MAST4: variants seen among roughly 807,000 people sequenced by gnomAD.
MAST4 encodes the protein microtubule associated serine/threonine kinase family member 4.
MAST4 carries 89 observed loss-of-function variants against 162.7 expected under a neutral mutation model. The ratio of observed to expected loss-of-function variants is 0.55; its 90% CI spans 0.46 to 0.65. The LOEUF (loss-of-function observed/expected upper bound fraction) is 0.65. Among genes scored for constraint, MAST4 ranks in the 30% least tolerant of loss-of-function variants. The pLI, the probability that MAST4 is intolerant of heterozygous loss-of-function variation, is 0.00. For missense variants in MAST4, 3,153 were observed against 3,374.0 expected (o/e 0.93, Z 1.62); for synonymous variants, 1,479 against 1,361.1 (o/e 1.09, Z -1.91).
chr5:66,852,223 C>G (rs114061867), intron 3 of MAST4, among the ~76,000 whole-genome samples: 2 of 152,184 alleles, frequency 1.3e-5, no homozygotes, highest in Non-Finnish European at 2.9e-5. Flanking sequence ...TCATGACTTA[C>G]TGCAGCCTCA....
rs538627284 is a variant in MAST4, at chr5:66,806,957, A to G, written c.642+18163A>G. 5.3e-5 allele frequency among the ~76,000 whole-genome samples: 8 copies of G among 152,258 alleles called. 1 individual carries two copies. The South Asian group carries it at 6.2e-4, about 12-fold the overall frequency. ...TGGCAGTGGAACTCTGAGGGCTTCA[A>G]TGTGGTAGCAGGTACTAACCCTTTG... On this transcript the variant is annotated intron_variant, in intron 3 of 28. Coordinates refer to ENST00000403625, the MANE Select transcript of MAST4 (RefSeq NM_001164664.2).
At chr5:67,105,495 A>G (rs1157347640) in intron 10 of MAST4, among the ~76,000 whole-genome samples, 1 of 152,116 alleles carries the variant, frequency 6.6e-6, no homozygotes, top group Non-Finnish European at 1.5e-5. Flanking sequence ...TAGGCCTTCT[A>G]TACTCTTTCC....
chr5:66,699,011 A>G (rs1242600207), intron 1 of MAST4, among the ~76,000 whole-genome samples: 3 of 152,192 alleles, frequency 2.0e-5, no homozygotes, highest in Non-Finnish European at 4.4e-5. Flanking sequence ...AAACCAGTTT[A>G]TATCATTTCT....
chr5:66,993,929 C>CG (rs11431627), intron 4 of MAST4, among the ~76,000 whole-genome samples: 2 of 99,408 alleles, frequency 2.0e-5, no homozygotes, highest in Non-Finnish European at 4.0e-5. Flanking sequence ...GACCCCCCCC[C>CG]CCACCCCACC....
intron 3 of MAST4, among the ~76,000 whole-genome samples, chr5:66,856,994 A>G (rs1469345364): frequency 6.6e-6 from 1 of 152,238 alleles, no homozygotes; most frequent in Non-Finnish European, 1.5e-5. Context: ...TATAAAAGCA[A>G]TTGGATATTA....
At chr5:66,959,247 C>T (rs759323227) in intron 4 of MAST4, 1 of 779,692 alleles carries the variant, frequency 1.3e-6, no homozygotes, top group Non-Finnish European at 2.4e-6. Flanking sequence ...ATATAACAAC[C>T]ATGAAAGCCC....
chr5:66,810,813 T>C (rs1226645160), intron 3 of MAST4, among the ~76,000 whole-genome samples: 1 of 152,148 alleles, frequency 6.6e-6, no homozygotes, highest in Non-Finnish European at 1.5e-5. Flanking sequence ...TGGCCATATG[T>C]AGAGATTTTG....
In MAST4 at chr5:66,688,296, A is replaced by G. The variant is rs368747272; in HGVS notation, c.364-71413A>G. Among the ~76,000 whole-genome samples the G allele has an allele frequency of 3.7e-4, 57 of 152,290 alleles. 1 individual carries two copies. Among genetic ancestry groups the G allele is most frequent in the African/African-American group, 1.2e-3 (51 of 41,556 alleles). On this transcript the variant is annotated intron_variant, in intron 1 of 28. Coordinates refer to ENST00000403625, the MANE Select transcript of MAST4 (RefSeq NM_001164664.2). ...ATGCCTGCAGTGATTTGACACACCC[A>G]CTCAAATGGATATGAAGTAACCTTA...
At chr5:66,880,498 C>G (rs1441962731) in intron 3 of MAST4, among the ~76,000 whole-genome samples, 1 of 152,122 alleles carries the variant, frequency 6.6e-6, no homozygotes, top group African/African-American at 2.4e-5. Flanking sequence ...GAGTTTCTTC[C>G]TTTCATTCTG....
chr5:66,980,664 T>C, intron 4 of MAST4, among the ~76,000 whole-genome samples: 1 of 152,222 alleles, frequency 6.6e-6, no homozygotes, highest in Non-Finnish European at 1.5e-5. Context: ...GTAAGTTCTG[T>C]GTTTGTTGCA....
At chr5:66,727,886 C>T (rs554717792) in intron 1 of MAST4, among the ~76,000 whole-genome samples, 2 of 152,190 alleles carry the variant, frequency 1.3e-5, no homozygotes, top group African/African-American at 4.8e-5. Flanking sequence ...CTCCTTGTGA[C>T]TCACTTGGAT....
chr5:67,155,237 A>T (rs1318194764), intron 26 of MAST4, among the ~76,000 whole-genome samples: 1 of 152,164 alleles, frequency 6.6e-6, no homozygotes. Context: ...TGCATAGGCA[A>T]ACTTGTCCAA....
At chr5:67,096,036 T>C (rs1009736980) in intron 7 of MAST4, among the ~76,000 whole-genome samples, 3 of 152,120 alleles carry the variant, frequency 2.0e-5, no homozygotes, top group African/African-American at 4.8e-5. Flanking sequence ...TGAACTTCGA[T>C]AGACTGGGTC....
chr5:67,008,534 G>A (rs1163366922), intron 4 of MAST4, among the ~76,000 whole-genome samples: 2 of 152,196 alleles, frequency 1.3e-5, no homozygotes, highest in African/African-American at 2.4e-5. Context: ...TTGCTGAAGT[G>A]CAGTCTTGAG....
chr5:66,915,698 G>A (rs1042149483), intron 4 of MAST4, among the ~76,000 whole-genome samples: 1 of 152,098 alleles, frequency 6.6e-6, no homozygotes, highest in Non-Finnish European at 1.5e-5. Flanking sequence ...CGCTGGTCCC[G>A]AGGGTCAGTG....
At chr5:66,849,592 G>A (rs1561380331) in intron 3 of MAST4, among the ~76,000 whole-genome samples, 1 of 152,124 alleles carries the variant, frequency 6.6e-6, no homozygotes, top group South Asian at 2.1e-4. Flanking sequence ...AGGGCAAGGC[G>A]TTCCTTCTGC....
intron 13 of MAST4, among the ~76,000 whole-genome samples, chr5:67,119,224 A>G (rs1192685557): frequency 1.3e-5 from 2 of 151,954 alleles, no homozygotes; most frequent in African/African-American, 4.8e-5. Context: ...GGACAGGGAG[A>G]TAACCCAGTC....
At chr5:66,756,245 A>G (rs573443509) in intron 1 of MAST4, among the ~76,000 whole-genome samples, 3 of 152,316 alleles carry the variant, frequency 2.0e-5, no homozygotes, top group African/African-American at 7.2e-5. Flanking sequence ...AACGTAGGAA[A>G]TTTTAAGCAA....
chr5:66,816,318 G>T (rs994596691), intron 3 of MAST4, among the ~76,000 whole-genome samples: 1 of 152,002 alleles, frequency 6.6e-6, no homozygotes. Flanking sequence ...GCTTAGGGAA[G>T]CCAAAAGACT....
Sources: gnomAD v4.1 joint callset for allele counts (sites outside exome capture counted in the v4.1 genomes callset) on GRCh38, gnomAD v4.1.1 for gene constraint, MANE v1.5 for transcripts, NCBI Gene and HGNC (gene_info 2026-07-23, HGNC 2026-07-21) for gene names.